The following CELSR3 variants were observed in gnomAD, a reference collection of about 807,000 sequenced individuals.
CELSR3 encodes the protein cadherin EGF LAG seven-pass G-type receptor 3, also known as EGF-like protein 1.
In CELSR3, 73 loss-of-function variants were observed where a neutral mutation model predicts 270.0. The observed-to-expected ratio is 0.27, with a 90% CI of 0.22 to 0.33. The LOEUF (loss-of-function observed/expected upper bound fraction) is 0.33. Among genes scored for constraint, CELSR3 ranks in the 10% least tolerant of loss-of-function variants. CELSR3 has a pLI of 1.00. For missense variants in CELSR3, 3,614 were observed against 4,533.8 expected (o/e 0.80, Z 5.83); for synonymous variants, 1,780 against 1,905.4 (o/e 0.93, Z 1.71).
Position 48,641,058 on chromosome 3 carries a change from G to A in CELSR3, c.9025+266C>T, listed in dbSNP as rs2047022028. ...GGGGGCAGGGGGAAGCAGCTCCTAG[G>A]GTCTCTGAAAAACAGATGGGCTGGG... On this transcript the variant is annotated intron_variant, in intron 33 of 34. Transcript: ENST00000164024. The surrounding 1 kb of genome is among the most constrained non-coding windows in gnomAD (Gnocchi z 4.8). 3 of 503,644 alleles carry A rather than the reference G, an allele frequency of 6.0e-6. No individual in the cohort carries two copies. Among genetic ancestry groups the A allele is most frequent in the Non-Finnish European group, 1.1e-5 (3 of 283,860 alleles). The allele number at this position is 503,644 out of a possible 1,614,324, so 31.2% of individuals were successfully genotyped here.
In CELSR3 at chr3:48,654,353, G is replaced by T. The variant is rs576770775; in HGVS notation, c.5088C>A (p.Asp1696Glu). 2 of 1,614,070 alleles carry T rather than the reference G, an allele frequency of 1.2e-6. No individual in the cohort carries two copies. Among genetic ancestry groups the T allele is most frequent in the African/African-American group, 1.3e-5 (1 of 75,046 alleles). ...CCACTCGGCGGCCATCAATGTGCAG[G>T]TCCCGCATACAGCCGATGAAGTCCT... ...SHKDFIGCMR[D>E]LHIDGRRVDM... is the part of the protein sequence containing the mutation. Residue 1696 changes from aspartate to glutamate, a missense_variant, in exon 7 of 35, where the codon GAC becomes GAA. By Grantham distance (45) the Asp-to-Glu change is conservative (BLOSUM62 2). Around this residue, in one of 7 missense-constraint regions of CELSR3, gnomAD observed 1,331 missense variants for 1,933.7 expected, o/e 0.69. Coordinates refer to ENST00000164024, the MANE Select transcript of CELSR3 (RefSeq NM_001407.3). This position sits in a 1 kb window ranked among gnomAD's most constrained non-coding sequence, Gnocchi z 5.4.
chr3:48,661,168 A>T lies in CELSR3; in HGVS notation c.1467T>A (p.Asp489Glu). Reference sequence around the variant, plus strand: ...TGGTGCTGATGAGGCCGGAGCGTGGATCAATCTCGAAGGCGGCGGCAGCTG... The same window carrying T: ...TGGTGCTGATGAGGCCGGAGCGTGGTTCAATCTCGAAGGCGGCGGCAGCTG... ...RAAAAAAFEI[D>E]PRSGLISTSG... is the part of the protein sequence containing the mutation. The change falls in exon 1 of 35, where the codon GAT becomes GAA. Residue 489 changes from aspartate to glutamate, a missense_variant. Physicochemically the swap from Asp to Glu is conservative, Grantham distance 45. Coordinates refer to ENST00000164024, the MANE Select transcript of CELSR3 (RefSeq NM_001407.3). 1 of 1,599,446 alleles carries T rather than the reference A, an allele frequency of 6.3e-7. No individual in the cohort carries two copies. The highest frequency in any genetic ancestry group is 1.1e-5 in the South Asian group (1 of 89,762).
Position 48,654,259 on chromosome 3 carries a change from GGGCTA to G in CELSR3, c.5152+25_5152+29del. On this transcript the variant is annotated intron_variant, in intron 7 of 34. Transcript: ENST00000164024. The surrounding 1 kb of genome is among the most constrained non-coding windows in gnomAD (Gnocchi z 5.4). ...CTCCCTATGATGGGGACAGGGCCATGGGCTAGGCTGGTGGAAGCTTCAGGCCTACC... is the reference window on the plus strand; with the variant it reads ...CTCCCTATGATGGGGACAGGGCCATGGGCTGGTGGAAGCTTCAGGCCTACC... 1.2e-6 allele frequency: 2 copies of G among 1,613,170 alleles called. No individual in the cohort carries two copies. Among genetic ancestry groups the G allele is most frequent in the South Asian group, 2.2e-5 (2 of 90,924 alleles).
In CELSR3 at chr3:48,657,110, A is replaced by G; in HGVS notation, c.3987T>C (p.Ser1329=). The G allele has an allele frequency of 6.2e-7, 1 of 1,613,790 alleles. No homozygotes were observed. Among genetic ancestry groups the G allele is most frequent in the South Asian group, 1.1e-5 (1 of 91,080 alleles). ...CCCCACGTGGAGCTAGCGCCGAGAA[A>G]CTCACATTGAGCACGGTGCCCCCTA... ...TDVGGTVLNV[S]FSALAPRGAG... The change falls in exon 2 of 35, where the codon AGT becomes AGC. Residue 1329 remains serine, a synonymous_variant. Transcript: ENST00000164024. The surrounding 1 kb of genome is among the most constrained non-coding windows in gnomAD (Gnocchi z 5.4).
Position 48,659,419 on chromosome 3 carries a change from A to G in CELSR3, c.3216T>C (p.Phe1072=). The change falls in exon 1 of 35, where the codon TTT becomes TTC. Residue 1072 remains phenylalanine, a synonymous_variant. Transcript: ENST00000164024. The surrounding 1 kb of genome is among the most constrained non-coding windows in gnomAD (Gnocchi z 8.1). The part of the protein sequence containing the change: ...DNAPVFPAEE[F]EVRVKENSIV... ...TGCTATTCTCTTTCACCCGCACCTC[A>G]AACTCCTCAGCTGGGAAGACAGGTG... 6.2e-7 allele frequency: 1 copy of G among 1,614,116 alleles called. No homozygotes were observed. Among genetic ancestry groups the G allele is most frequent in the Non-Finnish European group, 8.5e-7 (1 of 1,180,022 alleles).
chr3:48,658,862 C>A lies in CELSR3; in HGVS notation c.3748+25G>T. ...GCCCAACAGGTTGGTGTCACTGGGTCACTTGCCTGCCCCCTGCCCCTCACC... is the reference window on the plus strand; with the variant it reads ...GCCCAACAGGTTGGTGTCACTGGGTAACTTGCCTGCCCCCTGCCCCTCACC... On this transcript the variant is annotated intron_variant, in intron 1 of 34. Transcript: ENST00000164024. This position sits in a 1 kb window ranked among gnomAD's most constrained non-coding sequence, Gnocchi z 4.7. 1.9e-6 allele frequency: 3 copies of A among 1,603,670 alleles called. No homozygotes were observed. Among genetic ancestry groups the A allele is most frequent in the Non-Finnish European group, 2.6e-6 (3 of 1,173,408 alleles).
rs2047166945 is a variant in CELSR3 at position 48,654,874 on chromosome 3, T to C, written c.4988+170A>G. 7.0e-6 allele frequency among the ~76,000 whole-genome samples: 1 copy of C among 142,860 alleles called. No homozygotes were observed. The highest frequency in any genetic ancestry group is 1.5e-5 in the Non-Finnish European group (1 of 64,920). The allele number at this position is 142,860 out of a possible 152,430, so 93.7% of individuals were successfully genotyped here. ...GGGAGTATGGGGTGGAATACAGGAT[T>C]GGGGGCTAGGGTGAGTAGGCTTTCA... is the stretch of plus-strand genomic sequence containing the variant. On this transcript the variant is annotated intron_variant, in intron 6 of 34. Transcript: ENST00000164024. This position sits in a 1 kb window ranked among gnomAD's most constrained non-coding sequence, Gnocchi z 5.4.
At position 48,651,059 on chromosome 3, in the gene CELSR3, G is replaced by A. The variant is rs758684153; in HGVS notation, c.6203C>T (p.Pro2068Leu). The A allele has an allele frequency of 1.3e-5, 21 of 1,567,822 alleles. No homozygotes were observed. The highest frequency in any genetic ancestry group is 6.8e-5 in the African/African-American group (5 of 73,846). ...QCHCKEFHYR[P>L]RGSDSCLPCD... ...TGGGAGGCAAGAGTCACTGCCCCGCGGTCGGTAGTGGAACTCCTGTTTGAG... is the reference window on the plus strand; with the variant it reads ...TGGGAGGCAAGAGTCACTGCCCCGCAGTCGGTAGTGGAACTCCTGTTTGAG... Residue 2068 changes from proline (P) to leucine (L), a missense_variant, in exon 15 of 35, where the codon CCG becomes CTG. This residue lies in a region of CELSR3 where 1,331 missense variants were observed against 1,933.7 expected (regional missense o/e 0.69). Transcript: ENST00000164024. The surrounding 1 kb of genome is among the most constrained non-coding windows in gnomAD (Gnocchi z 7.4).
chr3:48,654,124 T>C lies in CELSR3; in HGVS notation c.5153-121A>G. 2 of 1,509,148 alleles carry C rather than the reference T, an allele frequency of 1.3e-6. No individual in the cohort carries two copies. Among genetic ancestry groups the C allele is most frequent in the Non-Finnish European group, 1.8e-6 (2 of 1,117,732 alleles). 93.5% of individuals were successfully genotyped at this position (1,509,148 alleles called of 1,614,324 possible). On this transcript the variant is annotated intron_variant, in intron 7 of 34. Transcript: ENST00000164024. This position sits in a 1 kb window ranked among gnomAD's most constrained non-coding sequence, Gnocchi z 5.4. The stretch of plus-strand genomic sequence containing the variant: ...AAGATCTCAGCCCCATTTCCCATTT[T>C]CTTTCGATGAGTGGGGTTGGTAAGA...
Position 48,650,523 on chromosome 3 carries a change from C to T in CELSR3, c.6429G>A (p.Lys2143=). Residue 2143 remains lysine, a synonymous_variant, in exon 16 of 35, where the codon AAG becomes AAA. Transcript: ENST00000164024. This position sits in a 1 kb window ranked among gnomAD's most constrained non-coding sequence, Gnocchi z 5.1. ...LRSGVWWPQT[K]FGVLATVPCP... ...AGGGCACTGTGGCCAGGACGCCAAACTTTGTCTGGGGCCACCACACACCAG... is the reference window on the plus strand; with the variant it reads ...AGGGCACTGTGGCCAGGACGCCAAATTTTGTCTGGGGCCACCACACACCAG... 6.2e-7 allele frequency: 1 copy of T among 1,609,876 alleles called. No homozygotes were observed. Among genetic ancestry groups the T allele is most frequent in the Non-Finnish European group, 8.5e-7 (1 of 1,178,704 alleles).
In CELSR3 at chr3:48,653,628, G is replaced by A. The variant is rs1221367635; in HGVS notation, c.5439C>T (p.Leu1813=). ...AGCAGGGTGGACACACCTGGCAAAGGAGCGTGCTGTGTGGCCCAGCCTGCA... is the reference window on the plus strand; with the variant it reads ...AGCAGGGTGGACACACCTGGCAAAGAAGCGTGCTGTGTGGCCCAGCCTGCA... ...MQVQAGPHST[L]LCQLDRGLLS... The change falls in exon 9 of 35, where the codon CTC becomes CTT. Residue 1813 remains leucine, a synonymous_variant. Coordinates refer to ENST00000164024, the MANE Select transcript of CELSR3 (RefSeq NM_001407.3). The surrounding 1 kb of genome is among the most constrained non-coding windows in gnomAD (Gnocchi z 6.5). The A allele has an allele frequency of 2.5e-6, 4 of 1,613,928 alleles. No individual in the cohort carries two copies. Among genetic ancestry groups the A allele is most frequent in the Middle Eastern group, 1.7e-4 (1 of 6,050 alleles).
chr3:48,655,204 G>A lies in CELSR3; in HGVS notation c.4831-3C>T, dbSNP rs758354583. The A allele has an allele frequency of 1.2e-5, 19 of 1,613,892 alleles. No homozygotes were observed. Among genetic ancestry groups the A allele is most frequent in the Non-Finnish European group, 1.6e-5 (19 of 1,179,938 alleles). On this transcript the variant is annotated splice_polypyrimidine_tract_variant and splice_region_variant and intron_variant, in intron 5 of 34. Coordinates refer to ENST00000164024, the MANE Select transcript of CELSR3 (RefSeq NM_001407.3). The surrounding 1 kb of genome is among the most constrained non-coding windows in gnomAD (Gnocchi z 5.8). ...CCCCCTAGGGCATCTGTCCGGGGCT[G>A]AAGACGCAGGCACACCAGTCAACAG...
chr3:48,642,916 C>T lies in CELSR3; in HGVS notation c.8407-32G>A, dbSNP rs1322094315. On this transcript the variant is annotated intron_variant, in intron 29 of 34. Transcript: ENST00000164024. This position sits in a 1 kb window ranked among gnomAD's most constrained non-coding sequence, Gnocchi z 6.1. ...GTGGTAGGGACAGAGTGTGAGCTAA[C>T]CCTGAAGCAGCCTAAAACTCTGGCT... The T allele has an allele frequency of 1.4e-5, 22 of 1,611,446 alleles. No individual in the cohort carries two copies. The highest frequency in any genetic ancestry group is 1.7e-5 in the Non-Finnish European group (20 of 1,178,796).
chr3:48,660,674 G>A lies in CELSR3; in HGVS notation c.1961C>T (p.Thr654Met), dbSNP rs140688880. 1,275 of 1,614,110 alleles carry A rather than the reference G, an allele frequency of 7.9e-4. 5 individuals are homozygous for A. Among genetic ancestry groups the A allele is most frequent in the East Asian group, 4.8e-3 (217 of 44,888 alleles). ...INDHIPIFVSTPFQVSVLENA... is the reference protein window; with the variant it reads ...INDHIPIFVSMPFQVSVLENA... ...TTCCAAGACAGAAACTTGGAAGGGC[G>A]TGCTGACAAAAATAGGAATGTGGTC... Residue 654 changes from threonine to methionine, a missense_variant, in exon 1 of 35, where the codon ACG becomes ATG. This residue lies in a region of CELSR3 where 354 missense variants were observed against 500.9 expected (regional missense o/e 0.71). Transcript: ENST00000164024. This position sits in a 1 kb window ranked among gnomAD's most constrained non-coding sequence, Gnocchi z 5.5.
Position 48,662,747 on chromosome 3 carries a change from C to T in CELSR3, c.-113G>A, listed in dbSNP as rs1048028247. The stretch of plus-strand genomic sequence containing the variant: ...CTGCCGCCGCCCCGGGCCCCCGCCC[C>T]TCCGCCTGTCTCTCCGCACCCCCGC... On this transcript the variant is annotated 5_prime_UTR_variant, in exon 1 of 35. Coordinates refer to ENST00000164024, the MANE Select transcript of CELSR3 (RefSeq NM_001407.3). This position sits in a 1 kb window ranked among gnomAD's most constrained non-coding sequence, Gnocchi z 7.1. 2.3e-5 allele frequency: 8 copies of T among 355,018 alleles called. No homozygotes were observed. Among genetic ancestry groups the T allele is most frequent in the African/African-American group, 1.3e-4 (6 of 46,272 alleles). The allele number at this position is 355,018 out of a possible 1,614,324, so 22.0% of individuals were successfully genotyped here.
In CELSR3 at chr3:48,655,688, T is replaced by C. The variant is rs9848493; in HGVS notation, c.4741+48A>G. On this transcript the variant is annotated intron_variant, in intron 4 of 34. Transcript: ENST00000164024. The surrounding 1 kb of genome is among the most constrained non-coding windows in gnomAD (Gnocchi z 5.8). ...AACCTGAGGGGACTTGGGCCCTGCG[T>C]CCTCCAGCACACACGCACCCTTTCG... is the stretch of plus-strand genomic sequence containing the variant. 3.9e-4 allele frequency: 593 copies of C among 1,511,040 alleles called. 1 individual carries two copies. In the African/African-American group the frequency reaches 7.2e-3, roughly 18 times the overall value. 93.6% of individuals were successfully genotyped at this position (1,511,040 alleles called of 1,614,324 possible). A position where few individuals can be genotyped will look rare whatever the true frequency, so the allele number is the denominator to read the frequency against.
Position 48,646,766 on chromosome 3 carries a change from G to T in CELSR3, c.7292C>A (p.Ala2431Asp). 2 of 1,608,556 alleles carry T rather than the reference G, an allele frequency of 1.2e-6. No homozygotes were observed. The highest frequency in any genetic ancestry group is 2.7e-5 in the African/African-American group (2 of 74,718). Residue 2431 changes from alanine to aspartate, a missense_variant, in exon 21 of 35, where the codon GCC (alanine) becomes GAC (aspartate). Ala to Asp is a moderately radical substitution (Grantham distance 126, BLOSUM62 -2). Transcript: ENST00000164024. This position sits in a 1 kb window ranked among gnomAD's most constrained non-coding sequence, Gnocchi z 4.8. ...CAGGGGTGAGGGGCCTGAGTACCTG[G>T]CACCTCGGCGTTCTGCCTGGAACTG... ...PAQFQAERRG[A>D]RLPQNPVMNS...
Position 48,637,931 on chromosome 3 carries a change from A to C in CELSR3, c.*274T>G. 36 of 360,876 alleles carry C rather than the reference A, an allele frequency of 1.0e-4. No individual in the cohort carries two copies. Among genetic ancestry groups the C allele is most frequent in the East Asian group, 2.3e-4 (5 of 22,030 alleles). The allele number at this position is 360,876 out of a possible 1,614,324, so 22.4% of individuals were successfully genotyped here. A position where few individuals can be genotyped will look rare whatever the true frequency, so the allele number is the denominator to read the frequency against. ...CCAGCCCAGCCTCAAACCCCCCAGG[A>C]GACAGAAAAGCTGAAAAATAACATA... is the stretch of plus-strand genomic sequence containing the variant. On this transcript the variant is annotated 3_prime_UTR_variant, in exon 35 of 35. Coordinates refer to ENST00000164024, the MANE Select transcript of CELSR3 (RefSeq NM_001407.3).
At position 48,652,543 on chromosome 3, in the gene CELSR3, G is replaced by A. The variant is rs878928399; in HGVS notation, c.5645C>T (p.Ala1882Val). 9.3e-6 allele frequency: 15 copies of A among 1,608,710 alleles called. No individual in the cohort carries two copies. The African/African-American group carries it at 1.1e-4, about 11-fold the overall frequency. ...LDFSLFQDTMAVGSELQGLKV... is the reference protein window; with the variant it reads ...LDFSLFQDTMVVGSELQGLKV... ...CAGGCCCTGCAGCTCACTCCCCACC[G>A]CCATGGTGTCCTGGAGGAAGTGGGG... The change falls in exon 11 of 35, where the codon GCG becomes GTG. Residue 1882 changes from alanine (A) to valine (V), a missense_variant. Transcript: ENST00000164024. The surrounding 1 kb of genome is among the most constrained non-coding windows in gnomAD (Gnocchi z 4.3).
Sources: gnomAD v4.1 joint callset for allele counts (sites outside exome capture counted in the v4.1 genomes callset) on GRCh38, gnomAD v4.1.1 for gene constraint, gnomAD v4.1.1 regional missense constraint, Gnocchi (gnomAD v3.1) non-coding constraint, MANE v1.5 for transcripts, NCBI Gene and HGNC (gene_info 2026-07-23, HGNC 2026-07-21) for gene names.